Variants in TMIGD3 observed in about 807,000 individuals in gnomAD.
TMIGD3 encodes the protein transmembrane and immunoglobulin domain containing 3.
Under a neutral mutation model 28.1 loss-of-function variants are expected in TMIGD3, and 21 were observed. The ratio of observed to expected loss-of-function variants is 0.75; its 90% CI spans 0.53 to 1.08. The LOEUF (loss-of-function observed/expected upper bound fraction) is 1.08, where lower values mean the gene tolerates loss of function less well. TMIGD3 is among the 50% of genes least tolerant of loss of function. TMIGD3 has a pLI of 0.00. For missense variants in TMIGD3, 416 were observed against 435.6 expected, an observed-to-expected ratio of 0.96 and a Z score of 0.40; for synonymous variants, 151 against 162.1, an observed-to-expected ratio of 0.93 and a Z score of 0.52.
At chr1:111,546,722 G>T (rs1657047045) in intron 1 of TMIGD3, among the ~76,000 whole-genome samples, 1 of 152,064 alleles carries the variant, frequency 6.6e-6, no homozygotes, top group Non-Finnish European at 1.5e-5. Context: ...AATAAGGCTG[G>T]TATGAACATG....
rs1002712872 is a variant in TMIGD3, at chr1:111,540,272, A to G, written c.107+23574T>C. On this transcript the variant is annotated intron_variant, in intron 1 of 5. Coordinates refer to the TMIGD3 transcript ENST00000369717. ...GAAGCAGCACCCAGAATGTTTTGAC[A>G]TGCAAAGGGTTGGTGCAGGAGCACT... is the stretch of plus-strand genomic sequence containing the variant. Among the ~76,000 whole-genome samples the G allele has an allele frequency of 9.2e-5, 14 of 152,346 alleles. No homozygotes were observed. The South Asian group carries it at 1.0e-3, about 11-fold the overall frequency.
chr1:111,504,092 C>T (rs1340288048), upstream of TMIGD3: 1 of 985,310 alleles, frequency 1.0e-6, no homozygotes, highest in African/African-American at 1.7e-5. Context: ...TTGCTGAGCA[C>T]AGCCGATACC....
intron 2 of TMIGD3, chr1:111,489,815 G>A (rs926732471): frequency 1.5e-5 from 14 of 922,512 alleles, no homozygotes; most frequent in African/African-American, 3.6e-5. Context: ...TGTTCCCTCC[G>A]TACAAGACCA....
chr1:111,522,705 A>G (rs981297889), intron 1 of TMIGD3, among the ~76,000 whole-genome samples: 1 of 151,666 alleles, frequency 6.6e-6, no homozygotes, highest in African/African-American at 2.4e-5. Flanking sequence ...TTTAGTAGAG[A>G]TGGGGTTTCA....
chr1:111,500,443 G>A, intron 1 of TMIGD3: 2 of 1,614,224 alleles, frequency 1.2e-6, no homozygotes, highest in Non-Finnish European at 1.7e-6. Context: ...GTGGTACTCT[G>A]AGGTCAGTTT....
chr1:111,542,217 C>G, intron 1 of TMIGD3: 1 of 576,712 alleles, frequency 1.7e-6, no homozygotes, highest in South Asian at 1.4e-5. Flanking sequence ...ATGAAACAGA[C>G]ATCCTTCGCG....
At chr1:111,491,227 G>A (rs1654642972) in intron 1 of TMIGD3, among the ~76,000 whole-genome samples, 1 of 152,258 alleles carries the variant, frequency 6.6e-6, no homozygotes, top group East Asian at 1.9e-4. Context: ...GGCCACGGGT[G>A]GCGCATGCCA....
At chr1:111,561,710 C>T (rs1657745415) in intron 1 of TMIGD3, among the ~76,000 whole-genome samples, 2 of 152,174 alleles carry the variant, frequency 1.3e-5, no homozygotes, top group South Asian at 4.1e-4. Context: ...GGAAGTGTCT[C>T]TTAATGGAGT....
intron 1 of TMIGD3, among the ~76,000 whole-genome samples, chr1:111,520,804 G>A (rs532318369): frequency 2.6e-5 from 4 of 152,320 alleles, no homozygotes; most frequent in African/African-American, 9.6e-5. Context: ...CTGGTAGGTA[G>A]TAATCTGAAA....
chr1:111,551,741 TTTTGGTTTTG>T (rs1309880453), intron 1 of TMIGD3, among the ~76,000 whole-genome samples: 1 of 103,590 alleles, frequency 9.7e-6, no homozygotes, highest in African/African-American at 3.1e-5. Context: ...GTTTTGTGGT[TTTTGGTTTTG>T]TTTTGTTTTG....
At chr1:111,494,151 A>T (rs959800126) in intron 1 of TMIGD3, among the ~76,000 whole-genome samples, 2 of 152,260 alleles carry the variant, frequency 1.3e-5, no homozygotes, top group Non-Finnish European at 2.9e-5. Context: ...TCGGATTGCT[A>T]TCTTAAGCCA....
intron 3 of TMIGD3, among the ~76,000 whole-genome samples, 200 bp downstream of exon 3, chr1:111,488,477 C>T (rs541679793): frequency 1.3e-5 from 2 of 152,342 alleles, no homozygotes; most frequent in East Asian, 3.9e-4. Flanking sequence ...CAGACACCCT[C>T]CTTGTCCCCA....
intron 1 of TMIGD3, among the ~76,000 whole-genome samples, chr1:111,547,651 C>A (rs1169838919): frequency 6.6e-6 from 1 of 151,996 alleles, no homozygotes; most frequent in African/African-American, 2.4e-5. Context: ...AAAATTGGTG[C>A]CTTTTACAGA....
upstream of TMIGD3, among the ~76,000 whole-genome samples, chr1:111,507,709 G>A (rs1261908004): frequency 6.6e-6 from 1 of 152,214 alleles, no homozygotes; most frequent in Admixed American, 6.5e-5. Context: ...CCCACCCCAC[G>A]GCTGTCTGCA....
At chr1:111,524,746 A>G (rs1003998652) in intron 1 of TMIGD3, among the ~76,000 whole-genome samples, 2 of 152,016 alleles carry the variant, frequency 1.3e-5, no homozygotes, top group African/African-American at 4.8e-5. Flanking sequence ...CAGCCTCTCG[A>G]GTAGCTGGGA....
chr1:111,552,375 T>A (rs1416294037), intron 1 of TMIGD3, among the ~76,000 whole-genome samples: 4 of 152,218 alleles, frequency 2.6e-5, no homozygotes, highest in Admixed American at 6.5e-5. Context: ...GTCCCTCCTA[T>A]GAAGACTCAG....
rs80253055 is a variant in TMIGD3 at position 111,487,663 on chromosome 1, T to C, written c.806-1011A>G. Among the ~76,000 whole-genome samples the C allele has an allele frequency of 9.0e-3, 1,374 of 152,286 alleles. 24 individuals are homozygous for C. Among genetic ancestry groups the C allele is most frequent in the African/African-American group, 0.029 (1,219 of 41,552 alleles). Reference sequence around the variant, plus strand: ...CTATGTCTTAGCTCCAGCCAAGAGTTGTAATTTGTTAACTCGACTTTTCTG... The same window carrying C: ...CTATGTCTTAGCTCCAGCCAAGAGTCGTAATTTGTTAACTCGACTTTTCTG... On this transcript the variant is annotated intron_variant, in intron 3 of 5. Transcript: ENST00000369716.
At chr1:111,540,472 T>A (rs563197521) in intron 1 of TMIGD3, among the ~76,000 whole-genome samples, 2 of 152,172 alleles carry the variant, frequency 1.3e-5, no homozygotes, top group Non-Finnish European at 2.9e-5. Context: ...TGTGCCAGCT[T>A]CTCCTGTAGA....
chr1:111,553,575 T>C (rs958038991), intron 1 of TMIGD3, among the ~76,000 whole-genome samples: 1 of 152,226 alleles, frequency 6.6e-6, no homozygotes, highest in Non-Finnish European at 1.5e-5. Flanking sequence ...TCCTTAAACC[T>C]AATTTCTACT....
Sources: allele counts gnomAD v4.1 joint callset (sites outside exome capture counted in the v4.1 genomes callset), GRCh38; gene constraint gnomAD v4.1.1; transcripts MANE v1.5; gene names NCBI Gene and HGNC (gene_info 2026-07-23, HGNC 2026-07-21).